The following CREB3L1 variants were observed in gnomAD, a reference collection of about 807,000 sequenced individuals.
The protein encoded by CREB3L1 is cAMP responsive element binding protein 3 like 1.
In CREB3L1, 33 loss-of-function variants were observed where a neutral mutation model predicts 54.5. That is an observed-to-expected ratio of 0.61 (90% CI 0.46 to 0.81). CREB3L1 has a LOEUF of 0.81. Among genes scored for constraint, CREB3L1 ranks in the 30% least tolerant of loss-of-function variants. CREB3L1 has a pLI of 0.00. For missense variants in CREB3L1, 656 were observed against 673.3 expected, an observed-to-expected ratio of 0.97 and a Z score of 0.29; for synonymous variants, 284 against 286.4, an observed-to-expected ratio of 0.99 and a Z score of 0.08.
chr11:46,315,217 G>T, intron 8 of CREB3L1: 1 of 297,336 alleles, frequency 3.4e-6, no homozygotes, highest in Non-Finnish European at 6.8e-6. Context: ...GATTGGCCTG[G>T]AGAATCCCAC....
intron 1 of CREB3L1, among the ~76,000 whole-genome samples, chr11:46,290,930 C>T (rs1489831839): frequency 1.3e-5 from 2 of 152,156 alleles, no homozygotes; most frequent in South Asian, 2.1e-4. Context: ...CCCAGCACTC[C>T]CCGCTCCCCT....
Position 46,312,669 on chromosome 11 carries a change from A to C in CREB3L1, c.961A>C (p.Lys321Gln). The C allele has an allele frequency of 6.2e-7, 1 of 1,608,560 alleles. No individual in the cohort carries two copies. The highest frequency in any genetic ancestry group is 8.5e-7 in the Non-Finnish European group (1 of 1,177,330). Residue 321 changes from lysine (K) to glutamine (Q), a missense_variant and splice_region_variant, in exon 7 of 12, where the codon AAG becomes CAG. Lys to Gln is a moderately conservative substitution (Grantham distance 53). Around this residue, in one of 3 missense-constraint regions of CREB3L1, gnomAD observed 77 missense variants for 122.0 expected, o/e 0.63. Coordinates refer to ENST00000621158, the MANE Select transcript of CREB3L1 (RefSeq NM_052854.4). ...GGAGTATGTGGAGTGTCTAGAAAAGAAGTAAGGGGCTTGGGAGGGGTGGGC... is the reference window on the plus strand; with the variant it reads ...GGAGTATGTGGAGTGTCTAGAAAAGCAGTAAGGGGCTTGGGAGGGGTGGGC... The part of the protein sequence containing the change: ...KKEYVECLEK[K>Q]VETFTSENNE...
At chr11:46,282,784 T>C (rs1938998933) in intron 1 of CREB3L1, among the ~76,000 whole-genome samples, 1 of 152,048 alleles carries the variant, frequency 6.6e-6, no homozygotes, top group South Asian at 2.1e-4. Context: ...AAGAGGAGAG[T>C]CCATATCAGT....
chr11:46,292,791 A>AT (rs142793627), intron 1 of CREB3L1, among the ~76,000 whole-genome samples: 2,374 of 146,254 alleles, frequency 0.016, 55 homozygotes, highest in African/African-American at 0.048. Flanking sequence ...ATATTTTTAA[A>AT]TTTTTTTTTT....
At chr11:46,289,499 A>T (rs1939102753) in intron 1 of CREB3L1, among the ~76,000 whole-genome samples, 1 of 152,230 alleles carries the variant, frequency 6.6e-6, no homozygotes, top group Non-Finnish European at 1.5e-5. Context: ...CAATGACCTA[A>T]CAGTCTGTAA....
At chr11:46,296,535 G>A (rs1260036671) in intron 1 of CREB3L1, among the ~76,000 whole-genome samples, 1 of 152,144 alleles carries the variant, frequency 6.6e-6, no homozygotes, top group African/African-American at 2.4e-5. Context: ...CCTCTAACTT[G>A]GTGATAGAAA....
At chr11:46,297,350 A>G (rs1237851378) in intron 1 of CREB3L1, among the ~76,000 whole-genome samples, 1 of 152,228 alleles carries the variant, frequency 6.6e-6, no homozygotes, top group Non-Finnish European at 1.5e-5. Flanking sequence ...GACAATTGGT[A>G]TGCTGATGGC....
intron 1 of CREB3L1, among the ~76,000 whole-genome samples, chr11:46,286,961 G>A (rs774173062): frequency 7.9e-5 from 12 of 152,200 alleles, no homozygotes; most frequent in Admixed American, 1.3e-4. Flanking sequence ...AAACAGGAAA[G>A]TCCCAAGACT....
chr11:46,302,168 A>AAATAAT (rs61146206), intron 2 of CREB3L1, among the ~76,000 whole-genome samples: 5,174 of 135,534 alleles, frequency 0.038, 108 homozygotes, highest in East Asian at 0.071. Flanking sequence ...GCTCCGTCTC[A>AAATAAT]AATAATAATA....
At position 46,320,218 on chromosome 11, in the gene CREB3L1, T is replaced by C. The variant is rs1939627269; in HGVS notation, c.1259-46T>C. On this transcript the variant is annotated intron_variant, in intron 10 of 11. Coordinates refer to ENST00000621158, the MANE Select transcript of CREB3L1 (RefSeq NM_052854.4). ...CTAGGCCATGAATGTGGCCAGGATGTTGAGGGAATCTTGGGCACACCGCTC... is the reference window on the plus strand; with the variant it reads ...CTAGGCCATGAATGTGGCCAGGATGCTGAGGGAATCTTGGGCACACCGCTC... The C allele has an allele frequency of 2.6e-6, 4 of 1,531,432 alleles. No homozygotes were observed. The East Asian group carries it at 9.1e-5, about 35-fold the overall frequency. 94.9% of individuals were successfully genotyped at this position (1,531,432 alleles called of 1,614,324 possible). A position where few individuals can be genotyped will look rare whatever the true frequency, so the allele number is the denominator to read the frequency against.
At chr11:46,293,301 C>A (rs1274296692) in intron 1 of CREB3L1, among the ~76,000 whole-genome samples, 2 of 152,242 alleles carry the variant, frequency 1.3e-5, no homozygotes, top group Non-Finnish European at 2.9e-5. Flanking sequence ...CAGCTAATCC[C>A]AGCCCTGGGC....
At chr11:46,290,481 G>A (rs1023235227) in intron 1 of CREB3L1, among the ~76,000 whole-genome samples, 8 of 151,740 alleles carry the variant, frequency 5.3e-5, no homozygotes, top group African/African-American at 1.9e-4. Flanking sequence ...CCGCCCCAAG[G>A]CCTTCACCCC....
chr11:46,297,934 T>G (rs1388750794), intron 1 of CREB3L1, among the ~76,000 whole-genome samples: 1 of 152,214 alleles, frequency 6.6e-6, no homozygotes, highest in African/African-American at 2.4e-5. Context: ...ATGTACAGTA[T>G]TTACTCATTT....
At chr11:46,311,234 T>C in intron 5 of CREB3L1, 45 bp downstream of exon 5, 2 of 1,479,734 alleles carry the variant, frequency 1.4e-6, no homozygotes, top group Non-Finnish European at 9.0e-7. Flanking sequence ...AGGAATTGAA[T>C]ACATCCACCT....
At chr11:46,301,467 GTC>G in intron 2 of CREB3L1, among the ~76,000 whole-genome samples, 1 of 151,648 alleles carries the variant, frequency 6.6e-6, no homozygotes, top group East Asian at 1.9e-4. Flanking sequence ...ATAAAACCCC[GTC>G]TCTACAAAAA....
intron 1 of CREB3L1, among the ~76,000 whole-genome samples, chr11:46,292,764 C>T (rs1939148424): frequency 6.6e-6 from 1 of 152,046 alleles, no homozygotes; most frequent in Admixed American, 6.6e-5. Context: ...ACTGGGATTA[C>T]CCACCACACC....
In CREB3L1 at chr11:46,278,252, C is replaced by T. The variant is rs2136331152; in HGVS notation, c.102+39C>T. ...TCTCCGTTCCCGTTCCACCCCTCGG[C>T]ACCCGTCCTCGCGGCGCGCCTGGGC... On this transcript the variant is annotated intron_variant, in intron 1 of 11. Transcript: ENST00000621158. This position sits in a 1 kb window ranked among gnomAD's most constrained non-coding sequence, Gnocchi z 4.2. 1 of 1,379,220 alleles carries T rather than the reference C, an allele frequency of 7.3e-7. No homozygotes were observed. The highest frequency in any genetic ancestry group is 2.7e-5 in the East Asian group (1 of 37,464). 85.4% of individuals were successfully genotyped at this position (1,379,220 alleles called of 1,614,324 possible).
chr11:46,321,188 T>C lies in CREB3L1; in HGVS notation c.*442T>C, dbSNP rs1590355136. 1 of 333,454 alleles carries C rather than the reference T, an allele frequency of 3.0e-6. No individual in the cohort carries two copies. Among genetic ancestry groups the C allele is most frequent in the African/African-American group, 2.0e-5 (1 of 49,652 alleles). 20.7% of individuals were successfully genotyped at this position (333,454 alleles called of 1,614,324 possible). A position where few individuals can be genotyped will look rare whatever the true frequency, so the allele number is the denominator to read the frequency against. On this transcript the variant is annotated 3_prime_UTR_variant, in exon 12 of 12. Coordinates refer to ENST00000621158, the MANE Select transcript of CREB3L1 (RefSeq NM_052854.4). Reference sequence around the variant, plus strand: ...TTGCCAATCCCCTAAGATATTGTATTTTACAAATCTCCCTCTTCCCTTCGC... The same window carrying C: ...TTGCCAATCCCCTAAGATATTGTATCTTACAAATCTCCCTCTTCCCTTCGC...
Position 46,311,079 on chromosome 11 carries a change from G to T in CREB3L1, c.643G>T (p.Asp215Tyr). The T allele has an allele frequency of 6.2e-7, 1 of 1,609,980 alleles. No individual in the cohort carries two copies. Among genetic ancestry groups the T allele is most frequent in the Non-Finnish European group, 8.5e-7 (1 of 1,178,822 alleles). The part of the protein sequence containing the change: ...PPTPPSSHGS[D>Y]SDGSQSPRSL... Reference sequence around the variant, plus strand: ...GACGCCCCCCAGCAGCCATGGCAGTGACAGCGACGGCTCCCAGAGTCCCCG... The same window carrying T: ...GACGCCCCCCAGCAGCCATGGCAGTTACAGCGACGGCTCCCAGAGTCCCCG... The change falls in exon 5 of 12, where the codon GAC becomes TAC. Residue 215 changes from aspartate to tyrosine, a missense_variant. Physicochemically the swap from Asp to Tyr is radical, Grantham distance 160. Around this residue, in one of 3 missense-constraint regions of CREB3L1, gnomAD observed 339 missense variants for 331.5 expected, o/e 1.02. Coordinates refer to ENST00000621158, the MANE Select transcript of CREB3L1 (RefSeq NM_052854.4).
Sources: allele counts gnomAD v4.1 joint callset (sites outside exome capture counted in the v4.1 genomes callset), GRCh38; gene constraint gnomAD v4.1.1; regional missense constraint gnomAD v4.1.1; non-coding constraint Gnocchi (gnomAD v3.1); transcripts MANE v1.5; gene names NCBI Gene and HGNC (gene_info 2026-07-23, HGNC 2026-07-21).